COG2: variants seen among roughly 807,000 people sequenced by gnomAD.
COG2 encodes conserved oligomeric Golgi complex subunit 2.
In COG2, 52 loss-of-function variants were observed where a neutral mutation model predicts 90.6. That is an observed-to-expected ratio of 0.57 (90% CI 0.46 to 0.72). The LOEUF (loss-of-function observed/expected upper bound fraction) is 0.72. Ranked by LOEUF, COG2 falls within the 30% of genes least tolerant of loss-of-function variation. COG2 has a pLI of 0.00. For synonymous variants in COG2, 337 were observed against 320.4 expected, an observed-to-expected ratio of 1.05 and a Z score of -0.55; for missense variants, 829 against 891.2, an observed-to-expected ratio of 0.93 and a Z score of 0.89.
At chr1:230,665,358 C>G (rs947674730) in intron 5 of COG2, among the ~76,000 whole-genome samples, 5 of 152,150 alleles carry the variant, frequency 3.3e-5, no homozygotes, top group Admixed American at 6.5e-5. Flanking sequence ...CTAGTTTGAG[C>G]CTAACACAAG....
At chr1:230,651,653 A>T (rs773198466) in intron 1 of COG2, among the ~76,000 whole-genome samples, 20 of 152,210 alleles carry the variant, frequency 1.3e-4, no homozygotes, top group Admixed American at 5.2e-4. Flanking sequence ...ATAAAGAGAA[A>T]TGATTTTTCT....
intron 1 of COG2, among the ~76,000 whole-genome samples, chr1:230,651,646 A>C (rs1661916629): frequency 6.6e-6 from 1 of 152,170 alleles, no homozygotes; most frequent in South Asian, 2.1e-4. Context: ...TCTGAGTATA[A>C]AGAGAAATGA....
Position 230,693,482 on chromosome 1 carries a change from A to T in COG2, c.*89A>T. 1.3e-6 allele frequency: 1 copy of T among 770,124 alleles called. No homozygotes were observed. Among genetic ancestry groups the T allele is most frequent in the Non-Finnish European group, 2.2e-6 (1 of 462,008 alleles). The allele number at this position is 770,124 out of a possible 1,614,324, so 47.7% of individuals were successfully genotyped here. A position where few individuals can be genotyped will look rare whatever the true frequency, so the allele number is the denominator to read the frequency against. On this transcript the variant is annotated 3_prime_UTR_variant, in exon 18 of 18. Transcript: ENST00000366669. ...GGGGAGAAAGTGACTCTGTTCTCTT[A>T]GCAACCGTCTGTAGCAAAGAAGTGC...
Position 230,659,544 on chromosome 1 carries a change from C to G in COG2, c.153C>G (p.Leu51=), listed in dbSNP as rs749618846. The change falls in exon 2 of 18, where the codon CTC becomes CTG. Residue 51 remains leucine, a synonymous_variant. Coordinates refer to ENST00000366669, the MANE Select transcript of COG2 (RefSeq NM_007357.3). ...QLEELRDDLE[L]YYKLLKTAMV... is the part of the protein sequence containing the mutation. Reference sequence around the variant, plus strand: ...AAGAACTGAGAGATGACCTGGAGCTCTACTATAAACTTCTTAAAACAGCCA... The same window carrying G: ...AAGAACTGAGAGATGACCTGGAGCTGTACTATAAACTTCTTAAAACAGCCA... 2 of 1,613,882 alleles carry G rather than the reference C, an allele frequency of 1.2e-6. No individual in the cohort carries two copies. Among genetic ancestry groups the G allele is most frequent in the African/African-American group, 2.7e-5 (2 of 74,902 alleles).
chr1:230,677,757 T>A (rs567026300), intron 9 of COG2, among the ~76,000 whole-genome samples: 52 of 152,360 alleles, frequency 3.4e-4, no homozygotes, highest in African/African-American at 1.3e-3. Context: ...AGGCTAATAC[T>A]TAACATTTGT....
At chr1:230,685,947 G>A (rs1372442187) in intron 12 of COG2, among the ~76,000 whole-genome samples, 1 of 152,170 alleles carries the variant, frequency 6.6e-6, no homozygotes, top group Non-Finnish European at 1.5e-5. Flanking sequence ...AAATAAAAAA[G>A]ACAACAGGGA....
At chr1:230,683,660 G>T (rs759871786) in intron 11 of COG2, 25 bp downstream of exon 11, 4 of 1,519,462 alleles carry the variant, frequency 2.6e-6, no homozygotes, top group Non-Finnish European at 3.7e-6. Flanking sequence ...GTGATAAGTG[G>T]CATGGTATCC....
At chr1:230,691,698 GGAGTC>G (rs1663034490) in intron 17 of COG2, 134 bp downstream of exon 17, 10 of 790,180 alleles carry the variant, frequency 1.3e-5, no homozygotes, top group Middle Eastern at 7.5e-4. Flanking sequence ...GTTAAGACTA[GGAGTC>G]GGGGCTCCCA....
chr1:230,661,235 C>T (rs1227310846), intron 3 of COG2: 2 of 152,674 alleles, frequency 1.3e-5, no homozygotes, highest in African/African-American at 2.4e-5. Flanking sequence ...CTAGACTAGT[C>T]CACAGAAGCT....
At chr1:230,693,268 A>G (rs777059129) in intron 17 of COG2, 24 bp from the exon 18 acceptor site, 601 of 1,050,036 alleles carry the variant, frequency 5.7e-4, no homozygotes, top group Non-Finnish European at 8.0e-4. Flanking sequence ...GCAGTAACAT[A>G]ATTCATTCTC....
intron 16 of COG2, 131 bp from the exon 17 acceptor site, chr1:230,691,251 ACC>A: frequency 1.6e-6 from 1 of 635,420 alleles, no homozygotes; most frequent in South Asian, 2.3e-5. Context: ...TTAAATACTT[ACC>A]GTGGTTGAAT....
chr1:230,693,343 G>T lies in COG2; in HGVS notation c.2167G>T (p.Ala723Ser). The T allele has an allele frequency of 6.2e-7, 1 of 1,613,456 alleles. No individual in the cohort carries two copies. Among genetic ancestry groups the T allele is most frequent in the Non-Finnish European group, 8.5e-7 (1 of 1,179,618 alleles). The change falls in exon 18 of 18, where the codon GCA becomes TCA. Residue 723 changes from alanine (A) to serine (S), a missense_variant. Physicochemically the swap from Ala to Ser is moderately conservative, Grantham distance 99 (BLOSUM62 1). Coordinates refer to ENST00000366669, the MANE Select transcript of COG2 (RefSeq NM_007357.3). The part of the protein sequence containing the change: ...ASDIKSFSAL[A>S]ELVAAAKDQA... ...TGACATAAAAAGCTTCTCAGCTCTC[G>T]CAGAGCTTGTTGCTGCTGCCAAGGA...
chr1:230,654,131 G>T (rs537796993), intron 1 of COG2, among the ~76,000 whole-genome samples: 1 of 152,052 alleles, frequency 6.6e-6, no homozygotes, highest in South Asian at 2.1e-4. Context: ...ATTAGATTCC[G>T]TTTGTCAATT....
At chr1:230,642,807 C>T (rs1194951719) in intron 1 of COG2, 129 bp downstream of exon 1, 9 of 800,902 alleles carry the variant, frequency 1.1e-5, no homozygotes, top group South Asian at 5.6e-5. Context: ...GCCGAGACCT[C>T]GCTGCACTTC....
At chr1:230,677,568 A>T (rs10495298) in intron 9 of COG2, among the ~76,000 whole-genome samples, 18,074 of 152,274 alleles carry the variant, frequency 0.12, 1,500 homozygotes, top group Admixed American at 0.19. Context: ...ATAAGATAGC[A>T]TAAGGAGAGT....
chr1:230,642,749 T>C, intron 1 of COG2, 71 bp downstream of exon 1: 1 of 1,456,018 alleles, frequency 6.9e-7, no homozygotes, highest in Non-Finnish European at 9.4e-7. Flanking sequence ...TGTGGCGGTC[T>C]CTTCGGTCGG....
chr1:230,657,049 G>A (rs1317230919), intron 1 of COG2, among the ~76,000 whole-genome samples: 3 of 152,052 alleles, frequency 2.0e-5, no homozygotes, highest in Non-Finnish European at 4.4e-5. Flanking sequence ...CTTTTAACTG[G>A]GGCATTTAGT....
At chr1:230,643,624 AT>A (rs1661683967) in intron 1 of COG2, among the ~76,000 whole-genome samples, 1 of 152,022 alleles carries the variant, frequency 6.6e-6, no homozygotes, top group African/African-American at 2.4e-5. Context: ...CTTTTTGATA[AT>A]ATTTGCATTC....
At chr1:230,693,236 C>G in intron 17 of COG2, 56 bp from the exon 18 acceptor site, 1 of 991,466 alleles carries the variant, frequency 1.0e-6, no homozygotes, top group South Asian at 1.4e-5. Flanking sequence ...TTTTTTTTCC[C>G]CCCCCATATT....
Sources: allele counts gnomAD v4.1 joint callset (sites outside exome capture counted in the v4.1 genomes callset), GRCh38; gene constraint gnomAD v4.1.1; transcripts MANE v1.5; gene names NCBI Gene and HGNC (gene_info 2026-07-23, HGNC 2026-07-21).